Variants in ADARB2 observed in about 807,000 individuals in gnomAD.
ADARB2 encodes inactive double-stranded RNA-specific editase B2.
Under a neutral mutation model 62.2 loss-of-function variants are expected in ADARB2, and 25 were observed. The ratio of observed to expected loss-of-function variants is 0.40; its 90% CI spans 0.29 to 0.56. ADARB2 has a LOEUF of 0.56. Ranked by LOEUF, ADARB2 falls within the 20% of genes least tolerant of loss-of-function variation. The probability of loss-of-function intolerance (pLI) is 0.43; values close to 1 mark genes in which losing one functional copy is unlikely to be tolerated. For missense variants in ADARB2, 1,071 were observed against 1,077.4 expected, an observed-to-expected ratio of 0.99 and a Z score of 0.08; for synonymous variants, 572 against 500.8, an observed-to-expected ratio of 1.14 and a Z score of -1.90.
chr10:1,678,293 G>C (rs1371653681), intron 1 of ADARB2: 6 of 985,064 alleles, frequency 6.1e-6, no homozygotes, highest in African/African-American at 1.8e-5. Context: ...GCGTCCTCGG[G>C]GTGAGCATCC....
chr10:1,737,286 G>T lies in ADARB2; in HGVS notation c.-136C>A. On this transcript the variant is annotated 5_prime_UTR_variant, in exon 1 of 10. Transcript: ENST00000381312. ...GGAGCGGCTCACTTTTCAGGACTGA[G>T]CAGGAAAGCGCGCTCCGTCTCTCTG... The T allele has an allele frequency of 1.3e-6, 1 of 759,124 alleles. No homozygotes were observed. The highest frequency in any genetic ancestry group is 2.1e-6 in the Non-Finnish European group (1 of 469,616). 47.0% of individuals were successfully genotyped at this position (759,124 alleles called of 1,614,324 possible). A position where few individuals can be genotyped will look rare whatever the true frequency, so the allele number is the denominator to read the frequency against.
intron 1 of ADARB2, among the ~76,000 whole-genome samples, chr10:1,503,745 T>C (rs965943009): frequency 2.0e-5 from 3 of 152,088 alleles, no homozygotes; most frequent in Non-Finnish European, 2.9e-5. Flanking sequence ...GACCTCGTGA[T>C]AGTAAGTGAG....
At chr10:1,594,815 G>T (rs1833308685) in intron 1 of ADARB2, among the ~76,000 whole-genome samples, 1 of 152,170 alleles carries the variant, frequency 6.6e-6, no homozygotes, top group Non-Finnish European at 1.5e-5. Flanking sequence ...TCGCAGAATT[G>T]CACAATCCGG....
intron 1 of ADARB2, among the ~76,000 whole-genome samples, chr10:1,416,945 T>A (rs960358167): frequency 6.6e-6 from 1 of 152,188 alleles, no homozygotes; most frequent in Non-Finnish European, 1.5e-5. Flanking sequence ...AAACATTCCA[T>A]GTGGAGACAT....
chr10:1,268,890 C>T (rs1006442218), intron 4 of ADARB2, among the ~76,000 whole-genome samples: 13 of 152,290 alleles, frequency 8.5e-5, no homozygotes, highest in African/African-American at 3.1e-4. Flanking sequence ...GTATCATTTC[C>T]CCACAAGCCT....
intron 1 of ADARB2, among the ~76,000 whole-genome samples, chr10:1,598,043 T>C (rs1295015032): frequency 6.6e-6 from 1 of 152,254 alleles, no homozygotes; most frequent in African/African-American, 2.4e-5. Context: ...CCACATGTTC[T>C]GACTTGTAAG....
intron 1 of ADARB2, among the ~76,000 whole-genome samples, chr10:1,631,064 C>T (rs1345541922): frequency 6.6e-6 from 1 of 152,116 alleles, no homozygotes; most frequent in Non-Finnish European, 1.5e-5. Context: ...AGCCACCACC[C>T]GCGGTGAAGT....
At chr10:1,226,289 G>A (rs1830744573) in intron 6 of ADARB2, among the ~76,000 whole-genome samples, 1 of 152,114 alleles carries the variant, frequency 6.6e-6, no homozygotes, top group Non-Finnish European at 1.5e-5. Context: ...CTCTGCATTG[G>A]TTATTCAGTT....
At chr10:1,504,612 C>T (rs1353521809) in intron 1 of ADARB2, among the ~76,000 whole-genome samples, 1 of 152,286 alleles carries the variant, frequency 6.6e-6, no homozygotes, top group East Asian at 1.9e-4. Flanking sequence ...TTGTGGACTG[C>T]TTGGCTGACT....
rs28665906 is a variant in ADARB2 at position 1,221,414 on chromosome 10, T to A, written c.1514-4295A>T. On this transcript the variant is annotated intron_variant, in intron 6 of 9. Transcript: ENST00000381312. ...TAGATGCTCATTTCTTTTTTTTTTT[T>A]AATTTTATTATTATTATTATACTTT... Among the ~76,000 whole-genome samples the A allele has an allele frequency of 2.7e-3, 397 of 149,598 alleles. 2 individuals are homozygous for A. The highest frequency in any genetic ancestry group is 6.8e-3 in the African/African-American group (277 of 40,578).
At chr10:1,323,617 T>C (rs1831815255) in intron 3 of ADARB2, among the ~76,000 whole-genome samples, 1 of 152,152 alleles carries the variant, frequency 6.6e-6, no homozygotes, top group African/African-American at 2.4e-5. Flanking sequence ...TGTTGGTGGA[T>C]GGACGGATGC....
At chr10:1,694,231 T>C (rs749684108) in intron 1 of ADARB2, among the ~76,000 whole-genome samples, 8 of 152,364 alleles carry the variant, frequency 5.3e-5, no homozygotes, top group East Asian at 1.9e-4. Context: ...TACACAGAAA[T>C]ATTGATTAAG....
chr10:1,188,165 A>T (rs936215286), intron 8 of ADARB2: 3 of 152,634 alleles, frequency 2.0e-5, no homozygotes, highest in South Asian at 2.1e-4. Context: ...GCTCTGTGAC[A>T]GGTGACTTCT....
intron 1 of ADARB2, among the ~76,000 whole-genome samples, chr10:1,610,497 A>G (rs1833553883): frequency 1.3e-5 from 2 of 152,238 alleles, no homozygotes; most frequent in African/African-American, 4.8e-5. Context: ...AAAGAAAAGC[A>G]CTAGGCACTG....
intron 3 of ADARB2, among the ~76,000 whole-genome samples, chr10:1,300,753 T>C (rs1298334781): frequency 1.3e-5 from 2 of 152,230 alleles, no homozygotes. Flanking sequence ...TGCCATGCAC[T>C]GTCTGGCTGT....
intron 8 of ADARB2, among the ~76,000 whole-genome samples, chr10:1,189,486 G>A (rs1156318901): frequency 6.6e-6 from 1 of 152,114 alleles, no homozygotes; most frequent in South Asian, 2.1e-4. Context: ...ATGTGCTCAG[G>A]CCTAGAAATG....
chr10:1,471,467 C>G (rs994344758), intron 1 of ADARB2, among the ~76,000 whole-genome samples: 1 of 152,046 alleles, frequency 6.6e-6, no homozygotes, highest in Non-Finnish European at 1.5e-5. Flanking sequence ...CTCGGCTTAC[C>G]GCAACCTCTG....
At chr10:1,385,743 G>A (rs372880316) in intron 1 of ADARB2, among the ~76,000 whole-genome samples, 2 of 152,132 alleles carry the variant, frequency 1.3e-5, no homozygotes, top group Admixed American at 6.5e-5. Context: ...TAGTTTAAAA[G>A]TTTTCAATTC....
chr10:1,708,034 G>T (rs910304345), intron 1 of ADARB2, among the ~76,000 whole-genome samples: 15 of 152,174 alleles, frequency 9.9e-5, no homozygotes, highest in African/African-American at 3.6e-4. Flanking sequence ...AAAATGACAC[G>T]GTAGCTTGTG....
Sources: allele counts gnomAD v4.1 joint callset (sites outside exome capture counted in the v4.1 genomes callset), GRCh38; gene constraint gnomAD v4.1.1; transcripts MANE v1.5; gene names NCBI Gene and HGNC (gene_info 2026-07-23, HGNC 2026-07-21).